KCNH7: variants seen among roughly 807,000 people sequenced by gnomAD.
The protein encoded by KCNH7 is potassium voltage-gated channel subfamily H member 7, also known as voltage-gated inwardly rectifying potassium channel KCNH7.
In KCNH7, 49 loss-of-function variants were observed where a neutral mutation model predicts 120.8. The ratio of observed to expected loss-of-function variants is 0.41; its 90% CI spans 0.32 to 0.51. The LOEUF (loss-of-function observed/expected upper bound fraction) is 0.51. KCNH7 is among the 20% of genes least tolerant of loss of function. KCNH7 has a pLI of 0.38. For synonymous variants in KCNH7, 547 were observed against 516.1 expected (o/e 1.06, Z -0.81); for missense variants, 1,097 against 1,446.6 (o/e 0.76, Z 3.92).
intron 2 of KCNH7, chr2:162,538,066 A>G (rs1012354233): frequency 1.3e-5 from 2 of 152,108 alleles, no homozygotes; most frequent in Non-Finnish European, 2.9e-5. Flanking sequence ...AGTTACAAAT[A>G]AAGTATTTTT....
chr2:162,625,993 A>T (rs1251883271), intron 2 of KCNH7, among the ~76,000 whole-genome samples: 1 of 152,164 alleles, frequency 6.6e-6, no homozygotes, highest in Admixed American at 6.6e-5. Flanking sequence ...ATTGCCACAG[A>T]GCTAGGACTT....
intron 6 of KCNH7, among the ~76,000 whole-genome samples, chr2:162,474,332 GAC>G (rs1689660402): frequency 6.6e-6 from 1 of 152,190 alleles, no homozygotes; most frequent in Admixed American, 6.5e-5. Context: ...TTCTCTTGAG[GAC>G]AGTTACCAGT....
intron 2 of KCNH7, among the ~76,000 whole-genome samples, chr2:162,567,374 G>A (rs1337596560): frequency 2.0e-5 from 3 of 151,920 alleles, no homozygotes; most frequent in African/African-American, 7.2e-5. Flanking sequence ...ACACTCATAC[G>A]AAATTGGGGG....
intron 2 of KCNH7, among the ~76,000 whole-genome samples, chr2:162,750,905 A>G (rs1688516100): frequency 6.6e-6 from 1 of 152,150 alleles, no homozygotes; most frequent in Non-Finnish European, 1.5e-5. Context: ...CATTTTTCAT[A>G]TTATAATAAA....
chr2:162,711,628 C>T (rs1349015210), intron 2 of KCNH7, among the ~76,000 whole-genome samples: 1 of 152,118 alleles, frequency 6.6e-6, no homozygotes, highest in Non-Finnish European at 1.5e-5. Context: ...TTTCCTAATG[C>T]CCACAAGTCA....
intron 2 of KCNH7, among the ~76,000 whole-genome samples, chr2:162,666,933 C>A (rs6743985): frequency 0.14 from 20,637 of 151,476 alleles, 1,609 homozygotes; most frequent in East Asian, 0.34. Flanking sequence ...ACCATCATTT[C>A]TTATTTGCAT....
In KCNH7 at chr2:162,551,906, A is replaced by G. The variant is rs573895882; in HGVS notation, c.308-14826T>C. ...ATTGGTGATAAATTGTGAGGATTCT[A>G]AAGCCCATTGAGAATAATGTATTGG... On this transcript the variant is annotated intron_variant, in intron 2 of 15. Coordinates refer to ENST00000332142, the MANE Select transcript of KCNH7 (RefSeq NM_033272.4). Among the ~76,000 whole-genome samples the G allele has an allele frequency of 1.9e-4, 29 of 152,292 alleles. No homozygotes were observed. In the East Asian group the frequency reaches 5.6e-3, roughly 29 times the overall value.
intron 2 of KCNH7, among the ~76,000 whole-genome samples, chr2:162,633,737 C>T (rs1683845947): frequency 6.6e-6 from 1 of 151,898 alleles, no homozygotes; most frequent in Admixed American, 6.6e-5. Flanking sequence ...TATTATGTGT[C>T]TATTCTCGTA....
chr2:162,494,879 A>G (rs953826583), intron 6 of KCNH7, among the ~76,000 whole-genome samples: 1 of 152,168 alleles, frequency 6.6e-6, no homozygotes, highest in Non-Finnish European at 1.5e-5. Context: ...AACTGAATGG[A>G]CTGAACTAAT....
At chr2:162,603,349 G>A (rs975133627) in intron 2 of KCNH7, among the ~76,000 whole-genome samples, 2 of 151,970 alleles carry the variant, frequency 1.3e-5, no homozygotes, top group Non-Finnish European at 2.9e-5. Context: ...GGGTATTAAT[G>A]TTGTTCCCTC....
chr2:162,832,400 G>A (rs1418363983), intron 2 of KCNH7, among the ~76,000 whole-genome samples: 1 of 151,992 alleles, frequency 6.6e-6, no homozygotes, highest in Non-Finnish European at 1.5e-5. Flanking sequence ...AAACTTCATT[G>A]CTTCTTTAAT....
chr2:162,402,993 T>C (rs1687108207), intron 9 of KCNH7, among the ~76,000 whole-genome samples: 1 of 152,012 alleles, frequency 6.6e-6, no homozygotes, highest in Non-Finnish European at 1.5e-5. Context: ...TCAAATTACT[T>C]AACTTCTCTG....
chr2:162,415,496 A>G (rs1236861604), intron 9 of KCNH7, among the ~76,000 whole-genome samples: 1 of 152,150 alleles, frequency 6.6e-6, no homozygotes, highest in Non-Finnish European at 1.5e-5. Context: ...AGTACTTTTT[A>G]ATCACTGTAA....
rs190370071 is a variant in KCNH7 at position 162,373,724 on chromosome 2, T to C, written c.3132-62A>G. 48 of 1,239,088 alleles carry C rather than the reference T, an allele frequency of 3.9e-5. No individual in the cohort carries two copies. In the East Asian group the frequency reaches 1.3e-3, roughly 34 times the overall value. The allele number at this position is 1,239,088 out of a possible 1,614,324, so 76.8% of individuals were successfully genotyped here. ...AATAGTCCAGAATTTCAGGAGCATT[T>C]AAAAAAATTTCAGCACTACCAAGAA... On this transcript the variant is annotated intron_variant, in intron 14 of 15. Coordinates refer to ENST00000332142, the MANE Select transcript of KCNH7 (RefSeq NM_033272.4).
chr2:162,394,738 T>A (rs1686856926), intron 11 of KCNH7, among the ~76,000 whole-genome samples: 2 of 151,882 alleles, frequency 1.3e-5, no homozygotes, highest in South Asian at 4.1e-4. Context: ...GTGAAATGTT[T>A]AGGGATGATG....
At chr2:162,689,061 T>C (rs1686005510) in intron 2 of KCNH7, among the ~76,000 whole-genome samples, 1 of 152,076 alleles carries the variant, frequency 6.6e-6, no homozygotes, top group African/African-American at 2.4e-5. Context: ...ATCATACATC[T>C]TCAATAAATA....
intron 2 of KCNH7, among the ~76,000 whole-genome samples, chr2:162,738,451 C>G (rs891471416): frequency 7.9e-5 from 12 of 152,208 alleles, no homozygotes; most frequent in Non-Finnish European, 1.3e-4. Context: ...ACAAGTTCAC[C>G]TTGGTGGTTT....
At chr2:162,783,269 A>G (rs1403759554) in intron 2 of KCNH7, among the ~76,000 whole-genome samples, 1 of 152,072 alleles carries the variant, frequency 6.6e-6, no homozygotes, top group African/African-American at 2.4e-5. Flanking sequence ...CCCCTTCCAC[A>G]GTTGTGTAAG....
At chr2:162,672,801 A>C (rs543122034) in intron 2 of KCNH7, among the ~76,000 whole-genome samples, 1 of 152,172 alleles carries the variant, frequency 6.6e-6, no homozygotes, top group South Asian at 2.1e-4. Flanking sequence ...CTTTAAAATA[A>C]AACAATAAAA....
Sources: allele counts gnomAD v4.1 joint callset (sites outside exome capture counted in the v4.1 genomes callset), GRCh38; gene constraint gnomAD v4.1.1; transcripts MANE v1.5; gene names NCBI Gene and HGNC (gene_info 2026-07-23, HGNC 2026-07-21).